ZSWIM6: variants seen among roughly 807,000 people sequenced by gnomAD.
The protein encoded by ZSWIM6 is zinc finger SWIM domain-containing protein 6.
In ZSWIM6, 9 loss-of-function variants were observed where a neutral mutation model predicts 113.2. The observed-to-expected ratio is 0.08, with a 90% CI of 0.05 to 0.14. ZSWIM6 has a LOEUF of 0.14. ZSWIM6 is among the 10% of genes least tolerant of loss of function. The pLI, the probability that ZSWIM6 is intolerant of heterozygous loss-of-function variation, is 1.00. For synonymous variants in ZSWIM6, 611 were observed against 606.5 expected (o/e 1.01, Z -0.11); for missense variants, 1,162 against 1,552.2 (o/e 0.75, Z 4.22).
intron 1 of ZSWIM6, among the ~76,000 whole-genome samples, chr5:61,440,165 TG>T (rs1746796167): frequency 6.6e-6 from 1 of 151,918 alleles, no homozygotes; most frequent in Non-Finnish European, 1.5e-5. Context: ...AAAAGCTTAG[TG>T]GTTTTAAAAT....
At chr5:61,524,014 A>G (rs977384567) in intron 5 of ZSWIM6, among the ~76,000 whole-genome samples, 1 of 152,230 alleles carries the variant, frequency 6.6e-6, no homozygotes, top group African/African-American at 2.4e-5. Flanking sequence ...TAATACATGC[A>G]TAATACTAAG....
chr5:61,518,732 G>A (rs1023679609), intron 4 of ZSWIM6, among the ~76,000 whole-genome samples: 1 of 151,958 alleles, frequency 6.6e-6, no homozygotes, highest in African/African-American at 2.4e-5. Flanking sequence ...CTCCCATTTT[G>A]TAGGTTGCCT....
intron 2 of ZSWIM6, among the ~76,000 whole-genome samples, chr5:61,483,874 C>T (rs990344746): frequency 6.6e-6 from 1 of 150,408 alleles, no homozygotes; most frequent in Non-Finnish European, 1.5e-5. Context: ...GAGACTCTGT[C>T]TCAAAAATAA....
chr5:61,354,935 C>T (rs556633748), intron 1 of ZSWIM6, among the ~76,000 whole-genome samples: 3 of 152,222 alleles, frequency 2.0e-5, no homozygotes, highest in Admixed American at 6.5e-5. Flanking sequence ...AAAGTAAGAG[C>T]TATTTTGTAG....
intron 4 of ZSWIM6, among the ~76,000 whole-genome samples, chr5:61,518,160 T>G (rs1357906038): frequency 6.6e-6 from 1 of 152,068 alleles, no homozygotes; most frequent in Non-Finnish European, 1.5e-5. Flanking sequence ...GGTGTATATG[T>G]GCCACATTTT....
chr5:61,543,960 T>C lies in ZSWIM6; in HGVS notation c.3291T>C (p.Ser1097=), dbSNP rs750725495. ...LAAIIPLVVK[S]VKCATVLSDI... Reference sequence around the variant, plus strand: ...CTATAATACCTCTGGTGGTCAAGAGTGTCAAGTGTGCAACGGTACTGTCAG... The same window carrying C: ...CTATAATACCTCTGGTGGTCAAGAGCGTCAAGTGTGCAACGGTACTGTCAG... The change falls in exon 14 of 14, where the codon AGT becomes AGC. Residue 1097 remains serine (S), a synonymous_variant. Transcript: ENST00000252744. The surrounding 1 kb of genome is among the most constrained non-coding windows in gnomAD (Gnocchi z 4.3). 3.5e-5 allele frequency: 55 copies of C among 1,551,706 alleles called. 2 individuals are homozygous for C. In the Middle Eastern group the frequency reaches 3.7e-3, roughly 104 times the overall value.
rs541934750 is a variant in ZSWIM6 at position 61,476,957 on chromosome 5, A to G, written c.1033+3920A>G. On this transcript the variant is annotated intron_variant, in intron 2 of 13. Coordinates refer to ENST00000252744, the MANE Select transcript of ZSWIM6 (RefSeq NM_020928.2). Reference sequence around the variant, plus strand: ...CTCTAACAGTGTTGGGATAATTTTAATCATACAATGGATAATTATAAAAAA... The same window carrying G: ...CTCTAACAGTGTTGGGATAATTTTAGTCATACAATGGATAATTATAAAAAA... 1.4e-4 allele frequency among the ~76,000 whole-genome samples: 22 copies of G among 152,278 alleles called. No homozygotes were observed. In the South Asian group the frequency reaches 4.6e-3, roughly 32 times the overall value.
At chr5:61,498,420 G>A (rs1050003021) in intron 4 of ZSWIM6, among the ~76,000 whole-genome samples, 16 of 152,198 alleles carry the variant, frequency 1.1e-4, no homozygotes, top group East Asian at 5.8e-4. Flanking sequence ...TTCTTTTCAC[G>A]GCTTCTCATC....
rs1404965277 is a variant in ZSWIM6, at chr5:61,545,728, T to A, written c.*1411T>A. 2 of 152,198 alleles carry A rather than the reference T, an allele frequency of 1.3e-5. No homozygotes were observed. Among genetic ancestry groups the A allele is most frequent in the African/African-American group, 4.8e-5 (2 of 41,454 alleles). 9.4% of individuals were successfully genotyped at this position (152,198 alleles called of 1,614,324 possible). A position where few individuals can be genotyped will look rare whatever the true frequency, so the allele number is the denominator to read the frequency against. On this transcript the variant is annotated 3_prime_UTR_variant, in exon 14 of 14. Transcript: ENST00000252744. Reference sequence around the variant, plus strand: ...AAGCAGCCTTCTATCTTGCCTTGTCTTAATGCTTTAAAATAACCAAACTGG... The same window carrying A: ...AAGCAGCCTTCTATCTTGCCTTGTCATAATGCTTTAAAATAACCAAACTGG...
chr5:61,450,931 T>C (rs1747073952), intron 1 of ZSWIM6, among the ~76,000 whole-genome samples: 1 of 152,202 alleles, frequency 6.6e-6, no homozygotes. Context: ...TTTATTAAAT[T>C]GAGGTTTGTT....
At chr5:61,359,811 A>G (rs1230573753) in intron 1 of ZSWIM6, among the ~76,000 whole-genome samples, 3 of 152,188 alleles carry the variant, frequency 2.0e-5, no homozygotes, top group Non-Finnish European at 2.9e-5. Flanking sequence ...AGTAGGTGCT[A>G]TCAGTTAGTG....
chr5:61,528,835 G>A (rs567589701), intron 7 of ZSWIM6, among the ~76,000 whole-genome samples: 141 of 152,208 alleles, frequency 9.3e-4, no homozygotes, highest in African/African-American at 3.2e-3. Flanking sequence ...TGATCCACCC[G>A]CTTCAGCATC....
At chr5:61,342,043 C>A (rs112651562) in intron 1 of ZSWIM6, among the ~76,000 whole-genome samples, 6,487 of 152,042 alleles carry the variant, frequency 0.043, 457 homozygotes, top group African/African-American at 0.15. Flanking sequence ...TGACGCCTGG[C>A]TAACTTTTGT....
chr5:61,382,776 G>C (rs1745511272), intron 1 of ZSWIM6, among the ~76,000 whole-genome samples: 1 of 151,874 alleles, frequency 6.6e-6, no homozygotes, highest in Admixed American at 6.6e-5. Flanking sequence ...CTGCACTCCA[G>C]CCTGGTTAAC....
intron 1 of ZSWIM6, among the ~76,000 whole-genome samples, chr5:61,358,187 A>C (rs1019823114): frequency 2.0e-5 from 3 of 152,164 alleles, no homozygotes; most frequent in Non-Finnish European, 2.9e-5. Flanking sequence ...GGCTGATAAA[A>C]GTTACTACAG....
At chr5:61,388,270 A>T (rs971733906) in intron 1 of ZSWIM6, among the ~76,000 whole-genome samples, 1 of 152,126 alleles carries the variant, frequency 6.6e-6, no homozygotes, top group African/African-American at 2.4e-5. Flanking sequence ...GGCATGAGCC[A>T]CCGTGCCTGG....
chr5:61,355,275 C>A (rs1744874522), intron 1 of ZSWIM6, among the ~76,000 whole-genome samples: 1 of 152,066 alleles, frequency 6.6e-6, no homozygotes, highest in Admixed American at 6.6e-5. Context: ...CCAGTGGAGG[C>A]CTACAGTGGC....
chr5:61,352,450 T>C (rs866279357), intron 1 of ZSWIM6, among the ~76,000 whole-genome samples: 2 of 152,200 alleles, frequency 1.3e-5, no homozygotes, highest in Non-Finnish European at 2.9e-5. Context: ...ATGAAGGAAG[T>C]GGTGTTTTAC....
intron 1 of ZSWIM6, among the ~76,000 whole-genome samples, chr5:61,369,788 T>G (rs1280023522): frequency 1.3e-5 from 2 of 152,144 alleles, no homozygotes; most frequent in East Asian, 3.9e-4. Flanking sequence ...AAACTGTCAG[T>G]CTAGTAGGGG....
Sources: allele counts gnomAD v4.1 joint callset (sites outside exome capture counted in the v4.1 genomes callset), GRCh38; gene constraint gnomAD v4.1.1; non-coding constraint Gnocchi (gnomAD v3.1); transcripts MANE v1.5; gene names NCBI Gene and HGNC (gene_info 2026-07-23, HGNC 2026-07-21).